The following SIPA1L3 variants were observed in gnomAD, a reference collection of about 807,000 sequenced individuals.
SIPA1L3 encodes signal induced proliferation associated 1 like 3.
Under a neutral mutation model 150.1 loss-of-function variants are expected in SIPA1L3, and 59 were observed. The observed-to-expected ratio is 0.39, with a 90% CI of 0.32 to 0.49. The LOEUF (loss-of-function observed/expected upper bound fraction) is 0.49. SIPA1L3 is among the 20% of genes least tolerant of loss of function. The probability of loss-of-function intolerance (pLI) is 0.86; values close to 1 mark genes in which losing one functional copy is unlikely to be tolerated. For synonymous variants in SIPA1L3, 1,070 were observed against 1,077.6 expected (o/e 0.99, Z 0.14); for missense variants, 2,211 against 2,489.5 (o/e 0.89, Z 2.38).
intron 10 of SIPA1L3, among the ~76,000 whole-genome samples, chr19:38,131,483 A>G (rs7253312): frequency 0.43 from 65,280 of 151,838 alleles, 14,332 homozygotes; most frequent in East Asian, 0.64. Context: ...CAGAGCGAGC[A>G]GGAGTGAGAG....
intron 15 of SIPA1L3, among the ~76,000 whole-genome samples, chr19:38,167,031 G>A (rs745349806): frequency 6.6e-6 from 1 of 151,900 alleles, no homozygotes; most frequent in East Asian, 1.9e-4. Flanking sequence ...TCAAGAGCTC[G>A]AGACCGTCCT....
intron 1 of SIPA1L3, among the ~76,000 whole-genome samples, chr19:38,004,809 T>C (rs558858088): frequency 1.2e-4 from 19 of 152,270 alleles, no homozygotes; most frequent in African/African-American, 4.1e-4. Context: ...TGCCACTGTA[T>C]CTGCATTCTC....
chr19:38,188,529 G>C (rs1275241314), intron 16 of SIPA1L3, among the ~76,000 whole-genome samples: 3 of 152,102 alleles, frequency 2.0e-5, no homozygotes, highest in Non-Finnish European at 2.9e-5. Context: ...GTCCAGTCCT[G>C]TCAGTCAGAA....
intron 12 of SIPA1L3, among the ~76,000 whole-genome samples, chr19:38,147,660 T>C (rs1971730195): frequency 6.6e-6 from 1 of 152,210 alleles, no homozygotes; most frequent in Non-Finnish European, 1.5e-5. Flanking sequence ...ACTGTACTGC[T>C]TTTGTTCCTT....
At chr19:38,021,875 G>A (rs746649606) in intron 1 of SIPA1L3, among the ~76,000 whole-genome samples, 6 of 152,170 alleles carry the variant, frequency 3.9e-5, no homozygotes, top group Non-Finnish European at 5.9e-5. Context: ...GTGAGGAGAG[G>A]GGAAATGCTT....
chr19:37,945,427 G>A (rs1026200581), intron 1 of SIPA1L3, among the ~76,000 whole-genome samples: 3 of 151,972 alleles, frequency 2.0e-5, no homozygotes, highest in African/African-American at 4.8e-5. Flanking sequence ...TTGTAGAGAC[G>A]GGGTTTCACC....
At chr19:38,074,919 A>G (rs993344665) in intron 2 of SIPA1L3, among the ~76,000 whole-genome samples, 1 of 152,144 alleles carries the variant, frequency 6.6e-6, no homozygotes, top group African/African-American at 2.4e-5. Context: ...TTTTTTGTAG[A>G]GATGGGGTTT....
chr19:38,123,314 G>T (rs1413211118), intron 9 of SIPA1L3, among the ~76,000 whole-genome samples: 1 of 149,650 alleles, frequency 6.7e-6, no homozygotes, highest in Non-Finnish European at 1.5e-5. Flanking sequence ...TTCTCACAGA[G>T]GGGGATTTGG....
intron 4 of SIPA1L3, among the ~76,000 whole-genome samples, chr19:38,096,671 G>A (rs1008505467): frequency 1.3e-5 from 2 of 152,124 alleles, no homozygotes; most frequent in African/African-American, 4.8e-5. Flanking sequence ...GGCATAACCT[G>A]GTGGCCAGCA....
At chr19:38,195,214 C>T (rs1318161444) in intron 18 of SIPA1L3, among the ~76,000 whole-genome samples, 1 of 152,170 alleles carries the variant, frequency 6.6e-6, no homozygotes, top group Non-Finnish European at 1.5e-5. Context: ...TCCTGCACGG[C>T]TGTTCTCTCC....
intron 2 of SIPA1L3, among the ~76,000 whole-genome samples, chr19:38,041,423 C>T (rs1478527149): frequency 5.9e-5 from 9 of 151,768 alleles, no homozygotes; most frequent in African/African-American, 9.7e-5. Flanking sequence ...GGATTACAGG[C>T]GCACGCTACC....
chr19:38,168,295 G>A (rs1202800431), intron 15 of SIPA1L3, among the ~76,000 whole-genome samples: 1 of 152,070 alleles, frequency 6.6e-6, no homozygotes, highest in African/African-American at 2.4e-5. Flanking sequence ...GCTGAGGCAG[G>A]AGAATCCCTT....
intron 1 of SIPA1L3, among the ~76,000 whole-genome samples, chr19:37,952,483 G>C (rs1385646142): frequency 6.6e-6 from 1 of 152,012 alleles, no homozygotes; most frequent in African/African-American, 2.4e-5. Context: ...AACCAGCCTG[G>C]CCAACATGGT....
chr19:38,121,726 G>A (rs558680058), intron 9 of SIPA1L3, among the ~76,000 whole-genome samples: 182 of 151,102 alleles, frequency 1.2e-3, no homozygotes, highest in African/African-American at 4.0e-3. Flanking sequence ...GTGACAGAGC[G>A]AGACTCCGTC....
At chr19:38,085,071 C>A (rs543479031) in intron 3 of SIPA1L3, among the ~76,000 whole-genome samples, 29 of 152,152 alleles carry the variant, frequency 1.9e-4, no homozygotes, top group Non-Finnish European at 3.2e-4. Context: ...GGTATCTGTT[C>A]CATAGCTGAT....
intron 9 of SIPA1L3, among the ~76,000 whole-genome samples, chr19:38,121,254 C>T (rs543842128): frequency 1.2e-3 from 183 of 152,178 alleles, no homozygotes; most frequent in African/African-American, 2.4e-3. Context: ...CTGGCTAATA[C>T]GGTGAAACCC....
rs1330867094 is a variant in SIPA1L3 at position 37,915,391 on chromosome 19, GT to G, written c.-379+8041del. Among the ~76,000 whole-genome samples the G allele has an allele frequency of 2.0e-5, 3 of 151,564 alleles. No individual in the cohort carries two copies. In the South Asian group the frequency reaches 6.3e-4, roughly 32 times the overall value. ...TGTTTTTTTTTGTTTGTTTGTTTTTGTTTTTTTTGAGTCAGAGGCTCGCTCT... is the reference window on the plus strand; with the variant it reads ...TGTTTTTTTTTGTTTGTTTGTTTTTGTTTTTTTGAGTCAGAGGCTCGCTCT... On this transcript the variant is annotated intron_variant, in intron 1 of 21. Transcript: ENST00000222345.
chr19:37,928,621 G>A (rs1281413591), intron 1 of SIPA1L3, among the ~76,000 whole-genome samples: 1 of 152,054 alleles, frequency 6.6e-6, no homozygotes, highest in Non-Finnish European at 1.5e-5. Context: ...ATCCCCAGAG[G>A]GCTAGGTAAA....
intron 1 of SIPA1L3, among the ~76,000 whole-genome samples, chr19:37,979,043 C>T (rs1458970079): frequency 6.6e-6 from 1 of 152,094 alleles, no homozygotes; most frequent in African/African-American, 2.4e-5. Context: ...CCACTGTGAC[C>T]TGTTTCTCAC....
Sources: gnomAD v4.1 joint callset for allele counts (sites outside exome capture counted in the v4.1 genomes callset) on GRCh38, gnomAD v4.1.1 for gene constraint, MANE v1.5 for transcripts, NCBI Gene and HGNC (gene_info 2026-07-23, HGNC 2026-07-21) for gene names.